POTEC: variants seen among roughly 807,000 people sequenced by gnomAD.
POTEC encodes the protein ANKRD26-like family B member 2.
A neutral mutation model predicts 62.0 loss-of-function variants in POTEC; 35 were observed. The ratio of observed to expected loss-of-function variants is 0.56; its 90% CI spans 0.43 to 0.75. POTEC has a LOEUF of 0.75. POTEC is among the 30% of genes least tolerant of loss of function. The pLI is 0.00. For synonymous variants in POTEC, 156 were observed against 221.5 expected, an observed-to-expected ratio of 0.70 and a Z score of 2.62; for missense variants, 472 against 655.9, an observed-to-expected ratio of 0.72 and a Z score of 3.06.
chr18:14,540,017 C>T (rs957411812), intron 1 of POTEC, among the ~76,000 whole-genome samples: 67 of 152,150 alleles, frequency 4.4e-4, no homozygotes, highest in African/African-American at 1.5e-3. Flanking sequence ...TTGAGTAGAG[C>T]AATACATTTG....
At chr18:14,542,043 A>G (rs1905951197) in intron 1 of POTEC, among the ~76,000 whole-genome samples, 1 of 152,116 alleles carries the variant, frequency 6.6e-6, no homozygotes, top group Non-Finnish European at 1.5e-5. Flanking sequence ...TGTGCAATTT[A>G]AAGACACTAA....
At chr18:14,517,331 T>C (rs1457556146) in intron 9 of POTEC, among the ~76,000 whole-genome samples, 2 of 152,210 alleles carry the variant, frequency 1.3e-5, no homozygotes, top group East Asian at 3.9e-4. Flanking sequence ...AGTCAATCAA[T>C]GACCACTGCT....
At chr18:14,537,618 C>A (rs2143164162) in intron 3 of POTEC, among the ~76,000 whole-genome samples, 183 bp downstream of exon 3, 1 of 151,838 alleles carries the variant, frequency 6.6e-6, no homozygotes, top group South Asian at 2.1e-4. Flanking sequence ...AAAAACTGTA[C>A]CCTCTAATGC....
chr18:14,532,061 G>T (rs1354858832), intron 5 of POTEC, among the ~76,000 whole-genome samples: 3 of 151,652 alleles, frequency 2.0e-5, no homozygotes, highest in East Asian at 2.0e-4. Flanking sequence ...ACTGCCTAAG[G>T]TTCTACACAG....
chr18:14,532,600 C>T (rs1178562435), intron 5 of POTEC, among the ~76,000 whole-genome samples: 2 of 152,088 alleles, frequency 1.3e-5, no homozygotes, highest in African/African-American at 4.8e-5. Context: ...TTTTCTCCTC[C>T]TTCTGACTTG....
intron 1 of POTEC, among the ~76,000 whole-genome samples, chr18:14,539,522 C>T (rs6505913): frequency 0.92 from 130,727 of 141,366 alleles, 60,838 homozygotes; most frequent in Middle Eastern, 0.96. Context: ...AGTGAGACCA[C>T]GCAGTATTTG....
intron 6 of POTEC, among the ~76,000 whole-genome samples, chr18:14,525,764 C>T (rs1490084403): frequency 6.6e-6 from 1 of 152,072 alleles, no homozygotes; most frequent in Non-Finnish European, 1.5e-5. Context: ...GTCTCTCCTG[C>T]CTCCTGTTTT....
Position 14,508,392 on chromosome 18 carries a change from T to G in POTEC, c.*3506A>C, listed in dbSNP as rs1166721620. 6.6e-6 allele frequency: 1 copy of G among 152,616 alleles called. No individual in the cohort carries two copies. Among genetic ancestry groups the G allele is most frequent in the Admixed American group, 6.5e-5 (1 of 15,270 alleles). The allele number at this position is 152,616 out of a possible 1,614,324, so 9.5% of individuals were successfully genotyped here. A position where few individuals can be genotyped will look rare whatever the true frequency, so the allele number is the denominator to read the frequency against. On this transcript the variant is annotated 3_prime_UTR_variant, in exon 11 of 11. Coordinates refer to ENST00000358970, the MANE Select transcript of POTEC (RefSeq NM_001137671.2). ...TCTTGCACATGAGATGGAGCTGGTC[T>G]GACCTCAGCCCTCCCTAGTCTGCTT...
chr18:14,519,917 T>C (rs934100775), intron 9 of POTEC, among the ~76,000 whole-genome samples: 3 of 152,074 alleles, frequency 2.0e-5, no homozygotes, highest in African/African-American at 7.2e-5. Flanking sequence ...ATGTCCTCCA[T>C]TGCCTCAAAT....
At chr18:14,532,644 C>A (rs1905565090) in intron 5 of POTEC, among the ~76,000 whole-genome samples, 1 of 152,214 alleles carries the variant, frequency 6.6e-6, no homozygotes, top group South Asian at 2.1e-4. Flanking sequence ...ATTTAGTGAA[C>A]CCCTTTGGTT....
chr18:14,526,179 T>C (rs1194782035), intron 6 of POTEC, among the ~76,000 whole-genome samples: 1 of 152,032 alleles, frequency 6.6e-6, no homozygotes, highest in Non-Finnish European at 1.5e-5. Flanking sequence ...ATTACAGGTG[T>C]GAGCCACCAC....
At chr18:14,534,210 T>A (rs1199031796) in intron 4 of POTEC, among the ~76,000 whole-genome samples, 1 of 150,924 alleles carries the variant, frequency 6.6e-6, no homozygotes, top group Non-Finnish European at 1.5e-5. Context: ...TTACTGAGAA[T>A]GATGATTTCC....
At position 14,540,629 on chromosome 18, in the gene POTEC, T is replaced by A. The variant is rs547723381; in HGVS notation, c.521+1997A>T. ...AAAATTTGTTCATAAAATCTTTATA[T>A]GAGTTCTCAACACATGGCTATTTTA... On this transcript the variant is annotated intron_variant, in intron 1 of 10. Coordinates refer to ENST00000358970, the MANE Select transcript of POTEC (RefSeq NM_001137671.2). 1.5e-3 allele frequency among the ~76,000 whole-genome samples: 223 copies of A among 152,336 alleles called. 1 individual carries two copies. The highest frequency in any genetic ancestry group is 0.014 in the Middle Eastern group (4 of 294).
chr18:14,542,367 A>T (rs1905965570), intron 1 of POTEC, among the ~76,000 whole-genome samples: 1 of 152,168 alleles, frequency 6.6e-6, no homozygotes, highest in Non-Finnish European at 1.5e-5. Flanking sequence ...CATTGACTTA[A>T]TTTTGCGAGT....
intron 4 of POTEC, among the ~76,000 whole-genome samples, chr18:14,533,971 T>C (rs1170383186): frequency 6.6e-6 from 1 of 151,030 alleles, no homozygotes; most frequent in East Asian, 2.0e-4. Context: ...ATGTGCACAT[T>C]GTGCAGGTTA....
chr18:14,523,522 A>G lies in POTEC; in HGVS notation c.1198-15T>C, dbSNP rs966062054. The G allele has an allele frequency of 1.3e-6, 2 of 1,595,592 alleles. No individual in the cohort carries two copies. Among genetic ancestry groups the G allele is most frequent in the African/African-American group, 2.7e-5 (2 of 74,262 alleles). On this transcript the variant is annotated splice_polypyrimidine_tract_variant and intron_variant, in intron 7 of 10. Transcript: ENST00000358970. ...TGAGACATTTTCTGCAGATGCAAAAATAGAAGGTTAATTTGCTTGTTGTAT... is the reference window on the plus strand; with the variant it reads ...TGAGACATTTTCTGCAGATGCAAAAGTAGAAGGTTAATTTGCTTGTTGTAT...
chr18:14,528,698 C>T (rs1910502977), intron 6 of POTEC: 2 of 223,210 alleles, frequency 9.0e-6, no homozygotes, highest in South Asian at 1.0e-4. Flanking sequence ...ACTCTGGTTC[C>T]TACTGTTTTA....
At position 14,536,707 on chromosome 18, in the gene POTEC, T is replaced by C. The variant is rs186341702; in HGVS notation, c.810+1094A>G. Among the ~76,000 whole-genome samples, 5 of 152,240 alleles carry C rather than the reference T, an allele frequency of 3.3e-5. No homozygotes were observed. The East Asian group carries it at 7.8e-4, about 24-fold the overall frequency. ...ACAATTATTTCAGTCTCATCTCTCA[T>C]CCACATAAACAATTCCCTTTATCAT... is the stretch of plus-strand genomic sequence containing the variant. On this transcript the variant is annotated intron_variant, in intron 3 of 10. Coordinates refer to ENST00000358970, the MANE Select transcript of POTEC (RefSeq NM_001137671.2).
chr18:14,541,596 A>C (rs2143173286), intron 1 of POTEC, among the ~76,000 whole-genome samples: 1 of 152,308 alleles, frequency 6.6e-6, no homozygotes, highest in East Asian at 1.9e-4. Flanking sequence ...CTGATATTGC[A>C]CCACTGCACT....
Sources: gnomAD v4.1 joint callset for allele counts (sites outside exome capture counted in the v4.1 genomes callset) on GRCh38, gnomAD v4.1.1 for gene constraint, MANE v1.5 for transcripts, NCBI Gene and HGNC (gene_info 2026-07-23, HGNC 2026-07-21) for gene names.